The following MYO16 variants were observed in gnomAD, a reference collection of about 807,000 sequenced individuals.
MYO16 encodes myosin XVI, also known as unconventional myosin-XVI.
In MYO16, 94 loss-of-function variants were observed where a neutral mutation model predicts 205.3. The observed-to-expected ratio is 0.46, with a 90% CI of 0.39 to 0.54. The LOEUF (loss-of-function observed/expected upper bound fraction) is 0.54, where lower values mean the gene tolerates loss of function less well. MYO16 is among the 20% of genes least tolerant of loss of function. The pLI, the probability that MYO16 is intolerant of heterozygous loss-of-function variation, is 0.00. For synonymous variants in MYO16, 988 were observed against 954.0 expected, an observed-to-expected ratio of 1.04 and a Z score of -0.66; for missense variants, 2,315 against 2,387.5, an observed-to-expected ratio of 0.97 and a Z score of 0.63.
chr13:108,955,677 C>T (rs1050279129), intron 16 of MYO16, among the ~76,000 whole-genome samples: 1 of 152,140 alleles, frequency 6.6e-6, no homozygotes, highest in African/African-American at 2.4e-5. Context: ...ATGGTGAAAA[C>T]TCGTCTCTAC....
the MYO16 span, among the ~76,000 whole-genome samples, chr13:108,544,573 T>C: frequency 7.9e-5 from 12 of 152,208 alleles, no homozygotes; most frequent in African/African-American, 2.7e-4. Context: ...TACATAGTTA[T>C]AAAAGGTTAT....
chr13:108,759,355 T>G (rs1594271256), intron 4 of MYO16, among the ~76,000 whole-genome samples: 1 of 152,342 alleles, frequency 6.6e-6, no homozygotes, highest in East Asian at 1.9e-4. Context: ...TTTATAATAC[T>G]ATTCCTGTAC....
intron 23 of MYO16, among the ~76,000 whole-genome samples, chr13:109,039,254 A>G (rs537211183): frequency 6.6e-5 from 10 of 152,372 alleles, no homozygotes; most frequent in African/African-American, 2.2e-4. Flanking sequence ...GTGATGCTGG[A>G]AACTTCAACA....
Position 108,961,564 on chromosome 13 carries a change from T to C in MYO16, c.2063T>C (p.Leu688Pro). The C allele has an allele frequency of 6.2e-7, 1 of 1,614,050 alleles. No homozygotes were observed. The highest frequency in any genetic ancestry group is 8.5e-7 in the Non-Finnish European group (1 of 1,179,882). The change falls in exon 18 of 35, where the codon CTA becomes CCA. Residue 688 changes from leucine to proline, a missense_variant. Coordinates refer to ENST00000457511, the MANE Select transcript of MYO16 (RefSeq NM_001198950.3). Reference protein sequence around the residue: ...SLEVENLFVILAAILHLGDIR... With the variant: ...SLEVENLFVIPAAILHLGDIR... ...GAGGTGGAGAATCTGTTCGTAATTC[T>C]AGCAGCAATATTGCACCTTGGAGAC... is the stretch of plus-strand genomic sequence containing the variant.
chr13:108,936,344 G>C (rs1452337338), intron 16 of MYO16, among the ~76,000 whole-genome samples: 2 of 151,998 alleles, frequency 1.3e-5, no homozygotes, highest in African/African-American at 4.8e-5. Context: ...CTGTGAATCA[G>C]TCTGGTCCAG....
At chr13:108,768,716 T>A (rs4492921) in intron 4 of MYO16, among the ~76,000 whole-genome samples, 25,500 of 152,068 alleles carry the variant, frequency 0.17, 2,259 homozygotes, top group Middle Eastern at 0.3. Context: ...ATGAGCATAT[T>A]TGAGGAAAAC....
chr13:109,058,678 C>T (rs1004999534), intron 27 of MYO16, among the ~76,000 whole-genome samples: 55 of 152,192 alleles, frequency 3.6e-4, no homozygotes, highest in African/African-American at 1.2e-3. Flanking sequence ...GCTGCTGACC[C>T]ATCAGGCTGA....
At chr13:109,155,570 A>T (rs968241017) in intron 32 of MYO16, among the ~76,000 whole-genome samples, 10 of 152,186 alleles carry the variant, frequency 6.6e-5, no homozygotes, top group African/African-American at 2.4e-4. Context: ...CTGTCCACAT[A>T]GTGTGGGTAA....
chr13:108,618,296 A>G (rs957529439), intron 1 of MYO16, among the ~76,000 whole-genome samples: 1 of 152,142 alleles, frequency 6.6e-6, no homozygotes, highest in Non-Finnish European at 1.5e-5. Flanking sequence ...CCAAGATTCT[A>G]TGGAAGAGAT....
intron 16 of MYO16, among the ~76,000 whole-genome samples, chr13:108,942,735 C>T (rs1882781862): frequency 6.6e-6 from 1 of 152,164 alleles, no homozygotes; most frequent in African/African-American, 2.4e-5. Flanking sequence ...CAGTTCTTGG[C>T]ACGTGTAGAA....
chr13:109,009,248 G>A (rs573308059), intron 22 of MYO16, among the ~76,000 whole-genome samples, 199 bp downstream of exon 22: 4 of 152,202 alleles, frequency 2.6e-5, no homozygotes, highest in African/African-American at 7.2e-5. Context: ...TTCATTAAAA[G>A]GACAAGAAAA....
chr13:109,110,161 A>G (rs1303255465), intron 28 of MYO16, among the ~76,000 whole-genome samples: 1 of 152,204 alleles, frequency 6.6e-6, no homozygotes, highest in African/African-American at 2.4e-5. Context: ...GAAAGATCAA[A>G]TGTGTGCTCT....
intron 12 of MYO16, among the ~76,000 whole-genome samples, chr13:108,867,740 A>T (rs1356348154): frequency 1.3e-5 from 2 of 152,264 alleles, no homozygotes; most frequent in African/African-American, 4.8e-5. Flanking sequence ...TATAAAAGTC[A>T]TGACACTCTA....
chr13:109,100,874 T>C lies in MYO16; in HGVS notation c.3425T>C (p.Leu1142Ser). 1 of 1,612,960 alleles carries C rather than the reference T, an allele frequency of 6.2e-7. No individual in the cohort carries two copies. The highest frequency in any genetic ancestry group is 8.5e-7 in the Non-Finnish European group (1 of 1,179,096). The stretch of plus-strand genomic sequence containing the variant: ...CGACTTGTTCTCCAGCAGTGTAAAT[T>C]ACAAGGCTGGCAGGTTGGTGACCTA... ...RCRLVLQQCK[L>S]QGWQMGVRKV... Residue 1142 changes from leucine (L) to serine (S), a missense_variant, in exon 28 of 35, where the codon TTA becomes TCA. Coordinates refer to ENST00000457511, the MANE Select transcript of MYO16 (RefSeq NM_001198950.3).
At chr13:109,194,693 G>A (rs945303774) in intron 34 of MYO16, among the ~76,000 whole-genome samples, 4 of 152,118 alleles carry the variant, frequency 2.6e-5, no homozygotes, top group Non-Finnish European at 4.4e-5. Flanking sequence ...GGATGATGAC[G>A]AGGCTAGAAT....
intron 3 of MYO16, among the ~76,000 whole-genome samples, chr13:108,716,331 T>C (rs562652077): frequency 2.0e-5 from 3 of 152,146 alleles, no homozygotes; most frequent in Non-Finnish European, 4.4e-5. Flanking sequence ...GTTAAACTGA[T>C]GAAGTAGATG....
intron 2 of MYO16, among the ~76,000 whole-genome samples, chr13:108,668,488 T>A (rs1163103766): frequency 6.6e-6 from 1 of 152,182 alleles, no homozygotes; most frequent in Non-Finnish European, 1.5e-5. Context: ...ACCTTACAGT[T>A]CTGTAGGTCT....
At chr13:108,771,663 ATC>A in intron 4 of MYO16, among the ~76,000 whole-genome samples, 1 of 152,142 alleles carries the variant, frequency 6.6e-6, no homozygotes, top group East Asian at 1.9e-4. Flanking sequence ...CACCCGACCC[ATC>A]TCCTGACAAT....
intron 1 of MYO16, among the ~76,000 whole-genome samples, chr13:108,664,933 C>A (rs1264761224): frequency 6.6e-6 from 1 of 152,148 alleles, no homozygotes; most frequent in Non-Finnish European, 1.5e-5. Flanking sequence ...CCGTAGCAGC[C>A]AAAATTCTCT....
Sources: gnomAD v4.1 joint callset for allele counts (sites outside exome capture counted in the v4.1 genomes callset) on GRCh38, gnomAD v4.1.1 for gene constraint, MANE v1.5 for transcripts, NCBI Gene and HGNC (gene_info 2026-07-23, HGNC 2026-07-21) for gene names.